The following EPHA6 variants were observed in gnomAD, a reference collection of about 807,000 sequenced individuals.
EPHA6 encodes the protein EPH receptor A6, also known as ephrin type-A receptor 6.
A neutral mutation model predicts 112.0 loss-of-function variants in EPHA6; 50 were observed. The ratio of observed to expected loss-of-function variants is 0.45; its 90% CI spans 0.36 to 0.56. The LOEUF (loss-of-function observed/expected upper bound fraction) is 0.56, where lower values mean the gene tolerates loss of function less well. Ranked by LOEUF, EPHA6 falls within the 20% of genes least tolerant of loss-of-function variation. EPHA6 has a pLI of 0.00. For synonymous variants in EPHA6, 529 were observed against 490.7 expected, an observed-to-expected ratio of 1.08 and a Z score of -1.03; for missense variants, 1,280 against 1,417.4, an observed-to-expected ratio of 0.90 and a Z score of 1.56.
At chr3:97,137,522 A>G (rs1004450973) in intron 3 of EPHA6, among the ~76,000 whole-genome samples, 3 of 152,234 alleles carry the variant, frequency 2.0e-5, no homozygotes, top group African/African-American at 4.8e-5. Flanking sequence ...GAGGTAGTAC[A>G]TGCTAATGCT....
intron 16 of EPHA6, among the ~76,000 whole-genome samples, chr3:97,747,217 A>G (rs570546303): frequency 4.6e-5 from 7 of 152,064 alleles, no homozygotes; most frequent in Non-Finnish European, 8.8e-5. Context: ...AAAAGACAAA[A>G]GTGTTCCACC....
intron 5 of EPHA6, among the ~76,000 whole-genome samples, chr3:97,300,272 T>G (rs534097762): frequency 7.2e-5 from 11 of 152,326 alleles, no homozygotes; most frequent in African/African-American, 2.6e-4. Flanking sequence ...CTTCAATACT[T>G]GAAGTTACGT....
At chr3:97,653,502 A>G (rs893407073) in intron 14 of EPHA6, among the ~76,000 whole-genome samples, 6 of 151,982 alleles carry the variant, frequency 3.9e-5, no homozygotes, top group Non-Finnish European at 8.8e-5. Context: ...GACAAAAAAT[A>G]GCAAGTGGTG....
intron 5 of EPHA6, among the ~76,000 whole-genome samples, chr3:97,329,470 C>T (rs558989320): frequency 1.2e-3 from 181 of 148,164 alleles, no homozygotes; most frequent in Non-Finnish European, 2.1e-3. Context: ...ACATCCTCTC[C>T]AGCACCTGTT....
chr3:97,142,286 A>T (rs1369884239), intron 3 of EPHA6, among the ~76,000 whole-genome samples: 1 of 152,014 alleles, frequency 6.6e-6, no homozygotes, highest in East Asian at 1.9e-4. Context: ...TTATTTTCAC[A>T]TTAAAAATCT....
At chr3:97,411,298 G>A (rs2087699384) in intron 6 of EPHA6, among the ~76,000 whole-genome samples, 1 of 151,958 alleles carries the variant, frequency 6.6e-6, no homozygotes, top group South Asian at 2.1e-4. Flanking sequence ...GATTCTCATG[G>A]TAGCAAGACT....
chr3:97,374,363 C>T (rs1157027326), intron 5 of EPHA6, among the ~76,000 whole-genome samples: 9 of 152,040 alleles, frequency 5.9e-5, no homozygotes, highest in Non-Finnish European at 5.9e-5. Flanking sequence ...GTTTTGGTAC[C>T]TCTTATGATC....
At chr3:97,014,226 CA>C (rs1221534547) in intron 3 of EPHA6, among the ~76,000 whole-genome samples, 10 of 152,156 alleles carry the variant, frequency 6.6e-5, no homozygotes, top group African/African-American at 2.4e-4. Context: ...TCTAATTCAT[CA>C]AAAGTAAGGA....
intron 3 of EPHA6, among the ~76,000 whole-genome samples, chr3:97,021,925 C>T (rs182181226): frequency 6.6e-6 from 1 of 152,248 alleles, no homozygotes; most frequent in East Asian, 1.9e-4. Context: ...AATATCATTT[C>T]CTTGGAGAGT....
At chr3:97,267,907 T>C (rs946072301) in intron 5 of EPHA6, among the ~76,000 whole-genome samples, 6 of 152,254 alleles carry the variant, frequency 3.9e-5, no homozygotes, top group Admixed American at 3.3e-4. Context: ...CAGTTAGCAA[T>C]GCAATTGGCT....
At chr3:97,228,080 G>A (rs960255837) in intron 4 of EPHA6, among the ~76,000 whole-genome samples, 6 of 152,096 alleles carry the variant, frequency 3.9e-5, no homozygotes, top group African/African-American at 9.7e-5. Flanking sequence ...CATCATAGTC[G>A]GGATCCCAGT....
intron 2 of EPHA6, among the ~76,000 whole-genome samples, chr3:96,942,090 A>C (rs1176090525): frequency 1.3e-5 from 2 of 152,148 alleles, no homozygotes; most frequent in Non-Finnish European, 2.9e-5. Flanking sequence ...CAGTCTGCCC[A>C]TTCTCAGATC....
intron 11 of EPHA6, among the ~76,000 whole-genome samples, chr3:97,533,055 C>G (rs1441265592): frequency 6.6e-6 from 1 of 151,806 alleles, no homozygotes; most frequent in East Asian, 1.9e-4. Flanking sequence ...AAAAATTCTT[C>G]TTTCACAGAA....
intron 5 of EPHA6, among the ~76,000 whole-genome samples, chr3:97,336,181 G>A (rs899079574): frequency 1.5e-4 from 23 of 152,104 alleles, no homozygotes; most frequent in Non-Finnish European, 2.5e-4. Context: ...TAGTCCCCAG[G>A]TAGAAAGGGG....
At chr3:97,425,332 G>C (rs369281421) in intron 6 of EPHA6, among the ~76,000 whole-genome samples, 1 of 152,220 alleles carries the variant, frequency 6.6e-6, no homozygotes, top group South Asian at 2.1e-4. Flanking sequence ...GGACATCCAG[G>C]TGTTTCCATA....
intron 10 of EPHA6, among the ~76,000 whole-genome samples, chr3:97,492,641 GTATAATA>G (rs1560066258): frequency 7.5e-6 from 1 of 133,514 alleles, no homozygotes; most frequent in Admixed American, 8.3e-5. Context: ...GCTAAGGAAA[GTATAATA>G]TATAAGGTAG....
At chr3:96,964,990 T>TCTGGTCAGAAAAAAATATAGACAAGGA (rs1426724005) in intron 2 of EPHA6, among the ~76,000 whole-genome samples, 51 of 152,250 alleles carry the variant, frequency 3.3e-4, no homozygotes, top group African/African-American at 1.2e-3. Flanking sequence ...CAGGGATGCC[T>TCTGGTCAGAAAAAAATATAGACAAGGA]TGTGGTCAGA....
At chr3:97,690,405 T>C (rs140892104) in intron 14 of EPHA6, among the ~76,000 whole-genome samples, 1 of 152,346 alleles carries the variant, frequency 6.6e-6, no homozygotes, top group East Asian at 1.9e-4. Context: ...CTAATGATGT[T>C]GAACATTATA....
intron 12 of EPHA6, among the ~76,000 whole-genome samples, chr3:97,609,584 A>C (rs1331431062): frequency 6.6e-6 from 1 of 151,480 alleles, no homozygotes; most frequent in African/African-American, 2.4e-5. Flanking sequence ...ATAAATTGGG[A>C]GCTTTATTAA....
Sources: allele counts gnomAD v4.1 joint callset (sites outside exome capture counted in the v4.1 genomes callset), GRCh38; gene constraint gnomAD v4.1.1; transcripts MANE v1.5; gene names NCBI Gene and HGNC (gene_info 2026-07-23, HGNC 2026-07-21).